Variants in TOR1AIP1 observed in about 807,000 individuals in gnomAD.
The protein encoded by TOR1AIP1 is torsin 1A interacting protein 1.
In TOR1AIP1, 54 loss-of-function variants were observed where a neutral mutation model predicts 63.3. That is an observed-to-expected ratio of 0.85 (90% confidence interval 0.69 to 1.07). The LOEUF is 1.07. TOR1AIP1 is among the 50% of genes least tolerant of loss of function. The pLI, the probability that TOR1AIP1 is intolerant of heterozygous loss-of-function variation, is 0.00. For synonymous variants in TOR1AIP1, 294 were observed against 273.5 expected, an observed-to-expected ratio of 1.07 and a Z score of -0.74; for missense variants, 736 against 715.0, an observed-to-expected ratio of 1.03 and a Z score of -0.33.
At chr1:179,893,533 C>T (rs1026737031) in intron 3 of TOR1AIP1, among the ~76,000 whole-genome samples, 8 of 152,112 alleles carry the variant, frequency 5.3e-5, no homozygotes, top group African/African-American at 1.7e-4. Context: ...CTCCACCTCC[C>T]AGGCTTAAGC....
chr1:179,910,850 T>A (rs928511594), intron 8 of TOR1AIP1, among the ~76,000 whole-genome samples: 1 of 152,184 alleles, frequency 6.6e-6, no homozygotes, highest in African/African-American at 2.4e-5. Flanking sequence ...TACATACTTA[T>A]CAGAAAATCT....
At position 179,918,505 on chromosome 1, in the gene TOR1AIP1, TC is replaced by T; in HGVS notation, c.*267del. 1 of 358,406 alleles carries T rather than the reference TC, an allele frequency of 2.8e-6. No homozygotes were observed. Among genetic ancestry groups the T allele is most frequent in the Non-Finnish European group, 5.0e-6 (1 of 198,574 alleles). 22.2% of individuals were successfully genotyped at this position (358,406 alleles called of 1,614,324 possible). A position where few individuals can be genotyped will look rare whatever the true frequency, so the allele number is the denominator to read the frequency against. On this transcript the variant is annotated 3_prime_UTR_variant, in exon 10 of 10. Transcript: ENST00000606911. ...AGTTCCTTAGAGAATCTGTTTTGATTCTGGGCTGAGTTATTACAGTTATGGT... is the reference window on the plus strand; with the variant it reads ...AGTTCCTTAGAGAATCTGTTTTGATTTGGGCTGAGTTATTACAGTTATGGT...
chr1:179,894,874 A>G (rs1648216401), intron 3 of TOR1AIP1, among the ~76,000 whole-genome samples: 1 of 152,222 alleles, frequency 6.6e-6, no homozygotes, highest in African/African-American at 2.4e-5. Flanking sequence ...ATTTCTAGGA[A>G]TAGCAAAATC....
chr1:179,884,849 T>C, intron 2 of TOR1AIP1, 80 bp downstream of exon 2: 1 of 1,165,888 alleles, frequency 8.6e-7, no homozygotes, highest in East Asian at 2.5e-5. Flanking sequence ...TGTAAGTATG[T>C]GTAAAGAAAA....
chr1:179,904,314 A>G (rs929137053), intron 6 of TOR1AIP1, among the ~76,000 whole-genome samples: 1 of 152,230 alleles, frequency 6.6e-6, no homozygotes, highest in Non-Finnish European at 1.5e-5. Flanking sequence ...TTATTTTAAC[A>G]GACTAATGTA....
At position 179,904,005 on chromosome 1, in the gene TOR1AIP1, T is replaced by A. The variant is rs1281110705; in HGVS notation, c.779T>A (p.Phe260Tyr). 3.7e-6 allele frequency: 6 copies of A among 1,608,388 alleles called. No homozygotes were observed. Among genetic ancestry groups the A allele is most frequent in the Non-Finnish European group, 5.1e-6 (6 of 1,176,384 alleles). The change falls in exon 6 of 10, where the codon TTT (phenylalanine) becomes TAT (tyrosine). Residue 260 changes from phenylalanine (F) to tyrosine (Y), a missense_variant. By Grantham distance (22) the Phe-to-Tyr change is conservative. Around this residue, in one of 2 missense-constraint regions of TOR1AIP1, gnomAD observed 464 missense variants for 371.0 expected, o/e 1.25. Coordinates refer to ENST00000606911, the MANE Select transcript of TOR1AIP1 (RefSeq NM_015602.4). ...TRSSSQYIES[F>Y]WQSSQSQNFT... The stretch of plus-strand genomic sequence containing the variant: ...TCATCTAGTCAATATATAGAATCAT[T>A]TTGGCAGTCATCACAAAGTAAGTAA...
intron 9 of TOR1AIP1, among the ~76,000 whole-genome samples, chr1:179,914,584 A>G (rs150051421): frequency 1.2e-3 from 190 of 152,284 alleles, no homozygotes; most frequent in African/African-American, 4.4e-3. Context: ...TCATGAGATC[A>G]AGAGATCGAA....
rs1312394789 is a variant in TOR1AIP1 at position 179,917,824 on chromosome 1, G to A, written c.1337G>A (p.Gly446Glu). Residue 446 changes from glycine to glutamate, a missense_variant, in exon 10 of 10, where the codon GGG (glycine) becomes GAG (glutamate). Physicochemically the swap from Gly to Glu is moderately conservative, Grantham distance 98 (BLOSUM62 -2). This residue lies in a region of TOR1AIP1 where 272 missense variants were observed against 344.1 expected (regional missense o/e 0.79). Coordinates refer to ENST00000606911, the MANE Select transcript of TOR1AIP1 (RefSeq NM_015602.4). ...AGTGTCCGTGCCATCCGGATTGATG[G>A]GACAGATAAAGCTACTCAAGACAGT... is the stretch of plus-strand genomic sequence containing the variant. Reference protein sequence around the residue: ...FRSVRAIRIDGTDKATQDSDT... With the variant: ...FRSVRAIRIDETDKATQDSDT... The A allele has an allele frequency of 1.9e-6, 3 of 1,614,038 alleles. No individual in the cohort carries two copies. The highest frequency in any genetic ancestry group is 4.5e-5 in the East Asian group (2 of 44,900).
intron 3 of TOR1AIP1, among the ~76,000 whole-genome samples, chr1:179,893,535 G>C (rs1470890146): frequency 6.6e-6 from 1 of 152,034 alleles, no homozygotes; most frequent in Non-Finnish European, 1.5e-5. Flanking sequence ...CCACCTCCCA[G>C]GCTTAAGCGA....
chr1:179,917,609 A>G lies in TOR1AIP1; in HGVS notation c.1122A>G (p.Gln374=). The change falls in exon 10 of 10, where the codon CAA becomes CAG. Residue 374 remains glutamine (Q), a synonymous_variant. Transcript: ENST00000606911. Reference sequence around the variant, plus strand: ...AAGAGTTCCAGAACCAGATGAATCAACTTAAGAATAAGTACCAAGGTCAAG... The same window carrying G: ...AAGAGTTCCAGAACCAGATGAATCAGCTTAAGAATAAGTACCAAGGTCAAG... ...AVQEFQNQMN[Q]LKNKYQGQDE... The G allele has an allele frequency of 1.2e-6, 2 of 1,614,204 alleles. No homozygotes were observed. Among genetic ancestry groups the G allele is most frequent in the East Asian group, 2.2e-5 (1 of 44,884 alleles).
chr1:179,894,181 G>A (rs1648192414), intron 3 of TOR1AIP1, among the ~76,000 whole-genome samples: 1 of 150,766 alleles, frequency 6.6e-6, no homozygotes, highest in Non-Finnish European at 1.5e-5. Context: ...AACCCGGAAG[G>A]CAGAGCTTGC....
rs1016114079 is a variant in TOR1AIP1, at chr1:179,897,246, T to C, written c.611-2880T>C. Among the ~76,000 whole-genome samples, 4 of 152,106 alleles carry C rather than the reference T, an allele frequency of 2.6e-5. No homozygotes were observed. In the South Asian group the frequency reaches 8.3e-4, roughly 31 times the overall value. On this transcript the variant is annotated intron_variant, in intron 3 of 9. Transcript: ENST00000606911. ...ATTAGATACTTCAAATATAATAACA[T>C]GTTAGAAGTATTAAAATCAAATGGG...
intron 9 of TOR1AIP1, among the ~76,000 whole-genome samples, chr1:179,916,268 A>C (rs2148483496): frequency 6.6e-6 from 1 of 152,300 alleles, no homozygotes; most frequent in Non-Finnish European, 1.5e-5. Flanking sequence ...CATCAGTGCA[A>C]ATGTCAACAC....
In TOR1AIP1 at chr1:179,882,962, T is replaced by A. The variant is rs771016825; in HGVS notation, c.460T>A (p.Ser154Thr). ...PVMTRRGLRD[S>T]HSSEEDEASS... ...TATGACCAGGAGAGGGCTGCGGGACTCTCATTCCTCTGAAGGTGAGGACCG... is the reference window on the plus strand; with the variant it reads ...TATGACCAGGAGAGGGCTGCGGGACACTCATTCCTCTGAAGGTGAGGACCG... The change falls in exon 1 of 10, where the codon TCT (serine) becomes ACT (threonine). Residue 154 changes from serine (S) to threonine (T), a missense_variant. Physicochemically the swap from Ser to Thr is moderately conservative, Grantham distance 58. Around this residue, in one of 2 missense-constraint regions of TOR1AIP1, gnomAD observed 464 missense variants for 371.0 expected, o/e 1.25. Transcript: ENST00000606911. 6.2e-7 allele frequency: 1 copy of A among 1,612,220 alleles called. No homozygotes were observed.
chr1:179,899,349 A>G (rs1019147367), intron 3 of TOR1AIP1, among the ~76,000 whole-genome samples: 19 of 151,956 alleles, frequency 1.3e-4, no homozygotes, highest in Non-Finnish European at 4.4e-5. Context: ...ATTTTTGTTC[A>G]AATTCTCTTT....
chr1:179,905,358 G>A (rs1231977218), intron 6 of TOR1AIP1, among the ~76,000 whole-genome samples: 1 of 152,080 alleles, frequency 6.6e-6, no homozygotes, highest in Non-Finnish European at 1.5e-5. Context: ...TCCAGCCTGG[G>A]CGACAGAGTG....
chr1:179,882,690 C>A lies in TOR1AIP1; in HGVS notation c.188C>A (p.Pro63Gln), dbSNP rs148576898. The A allele has an allele frequency of 6.2e-7, 1 of 1,609,190 alleles. No homozygotes were observed. Among genetic ancestry groups the A allele is most frequent in the East Asian group, 2.2e-5 (1 of 44,826 alleles). ...GRREVRFSDE[P>Q]PEVYGDFEPL... ...CGGGAAGTGAGGTTCTCGGACGAGCCGCCAGAAGTGTACGGCGACTTCGAG... is the reference window on the plus strand; with the variant it reads ...CGGGAAGTGAGGTTCTCGGACGAGCAGCCAGAAGTGTACGGCGACTTCGAG... The change falls in exon 1 of 10, where the codon CCG (proline) becomes CAG (glutamine). Residue 63 changes from proline to glutamine, a missense_variant. Around this residue, in one of 2 missense-constraint regions of TOR1AIP1, gnomAD observed 464 missense variants for 371.0 expected, o/e 1.25. Transcript: ENST00000606911.
rs949385317 is a variant in TOR1AIP1, at chr1:179,889,227, G to C, written c.554-86G>C. Reference sequence around the variant, plus strand: ...AATAAAAGCTCTGTAAACCTTTGTTGAATAAATAAGGGATGATCATGTAAT... The same window carrying C: ...AATAAAAGCTCTGTAAACCTTTGTTCAATAAATAAGGGATGATCATGTAAT... On this transcript the variant is annotated intron_variant, in intron 2 of 9. Coordinates refer to ENST00000606911, the MANE Select transcript of TOR1AIP1 (RefSeq NM_015602.4). 1.2e-5 allele frequency: 13 copies of C among 1,086,098 alleles called. No homozygotes were observed. The African/African-American group carries it at 1.7e-4, about 14-fold the overall frequency. 67.3% of individuals were successfully genotyped at this position (1,086,098 alleles called of 1,614,324 possible).
At chr1:179,914,683 A>G (rs531139994) in intron 9 of TOR1AIP1, among the ~76,000 whole-genome samples, 1 of 152,108 alleles carries the variant, frequency 6.6e-6, no homozygotes, top group Admixed American at 6.5e-5. Flanking sequence ...TGTCCCACCT[A>G]CTCAGGAGGC....
Sources: gnomAD v4.1 joint callset for allele counts (sites outside exome capture counted in the v4.1 genomes callset) on GRCh38, gnomAD v4.1.1 for gene constraint, gnomAD v4.1.1 regional missense constraint, MANE v1.5 for transcripts, NCBI Gene and HGNC (gene_info 2026-07-23, HGNC 2026-07-21) for gene names.